The following THAP4 variants were observed in gnomAD, a reference collection of about 807,000 sequenced individuals.
THAP4 encodes THAP domain containing 4.
Under a neutral mutation model 48.1 loss-of-function variants are expected in THAP4, and 18 were observed. The observed-to-expected ratio is 0.37, with a 90% CI of 0.26 to 0.56. The LOEUF (loss-of-function observed/expected upper bound fraction) is 0.56, where lower values mean the gene tolerates loss of function less well. Ranked by LOEUF, THAP4 falls within the 20% of genes least tolerant of loss-of-function variation. The pLI is 0.78. For synonymous variants in THAP4, 345 were observed against 324.9 expected, an observed-to-expected ratio of 1.06 and a Z score of -0.66; for missense variants, 656 against 774.9, an observed-to-expected ratio of 0.85 and a Z score of 1.82.
intron 3 of THAP4, among the ~76,000 whole-genome samples, chr2:241,604,712 G>A (rs990595984): frequency 6.6e-6 from 1 of 151,956 alleles, no homozygotes; most frequent in Admixed American, 6.6e-5. Context: ...ACCTGGCCAA[G>A]ATAAACTTAT....
chr2:241,604,401 G>A (rs372227453), intron 3 of THAP4, among the ~76,000 whole-genome samples: 1 of 151,992 alleles, frequency 6.6e-6, no homozygotes, highest in Non-Finnish European at 1.5e-5. Context: ...ACAGGCATGC[G>A]CCACCATGCC....
chr2:241,600,567 AAC>A (rs1433169032), intron 5 of THAP4, among the ~76,000 whole-genome samples: 1 of 151,776 alleles, frequency 6.6e-6, no homozygotes, highest in East Asian at 1.9e-4. Flanking sequence ...CTCTACTAAA[AAC>A]ACAAAAAAAT....
At chr2:241,620,304 G>A (rs111162963) in intron 2 of THAP4, among the ~76,000 whole-genome samples, 6,181 of 56,214 alleles carry the variant, frequency 0.11, 983 homozygotes, top group Middle Eastern at 0.21. Context: ...TGAGTGAGTC[G>A]TGAGTGAGGG....
chr2:241,611,497 TG>T lies in THAP4; in HGVS notation c.1241-5025del, dbSNP rs555810050. Among the ~76,000 whole-genome samples, 992 of 152,014 alleles carry T rather than the reference TG, an allele frequency of 6.5e-3. 22 individuals are homozygous for T. The highest frequency in any genetic ancestry group is 0.023 in the African/African-American group (947 of 41,452). Reference sequence around the variant, plus strand: ...CAGCACTTTGGGAGGCCAAGGCGGGTGGATCATCTGAGGTCAGGAGTTCGAG... The same window carrying T: ...CAGCACTTTGGGAGGCCAAGGCGGGTGATCATCTGAGGTCAGGAGTTCGAG... On this transcript the variant is annotated intron_variant, in intron 2 of 5. Coordinates refer to ENST00000407315, the MANE Select transcript of THAP4 (RefSeq NM_015963.6).
At chr2:241,590,682 G>A (rs75905175) in intron 5 of THAP4, among the ~76,000 whole-genome samples, 1,381 of 35,112 alleles carry the variant, frequency 0.039, no homozygotes, top group African/African-American at 0.068. Flanking sequence ...AGAGCTGCTC[G>A]GCTGATGATG....
intron 2 of THAP4, among the ~76,000 whole-genome samples, chr2:241,621,574 G>A (rs1356299750): frequency 9.2e-5 from 14 of 151,946 alleles, no homozygotes; most frequent in Non-Finnish European, 1.5e-4. Context: ...TTGAAGATAT[G>A]TCAATAGAAA....
At position 241,633,850 on chromosome 2, in the gene THAP4, T is replaced by C. The variant is rs751126855; in HGVS notation, c.307A>G (p.Lys103Glu). The change falls in exon 2 of 6, where the codon AAA (lysine) becomes GAA (glutamate). Residue 103 changes from lysine (K) to glutamate (E), a missense_variant. Lys to Glu is a moderately conservative substitution (Grantham distance 56, BLOSUM62 1). This residue lies in a region of THAP4 where 391 missense variants were observed against 412.4 expected (regional missense o/e 0.95). Transcript: ENST00000407315. The surrounding 1 kb of genome is among the most constrained non-coding windows in gnomAD (Gnocchi z 7.5). ...CCCCCTGTGGCCTTGCTGGCATCTT[T>C]TCTCCGGGTGCGGCCATGGCCTCCA... ...GAGGHGRTRR[K>E]DASKATGGVR... 1 of 1,613,712 alleles carries C rather than the reference T, an allele frequency of 6.2e-7. No individual in the cohort carries two copies. Among genetic ancestry groups the C allele is most frequent in the South Asian group, 1.1e-5 (1 of 91,074 alleles).
At position 241,633,574 on chromosome 2, in the gene THAP4, T is replaced by G; in HGVS notation, c.583A>C (p.Thr195Pro). 6.2e-7 allele frequency: 1 copy of G among 1,613,790 alleles called. No homozygotes were observed. Among genetic ancestry groups the G allele is most frequent in the Non-Finnish European group, 8.5e-7 (1 of 1,179,920 alleles). ...GTGGCGCTCTCATCGCCAGCATCTG[T>G]GGCAGACGCTTCTGCTTTTCCCTGA... ...GSQGKAEASA[T>P]DAGDESATSS... Residue 195 changes from threonine to proline, a missense_variant, in exon 2 of 6, where the codon ACA becomes CCA. This residue lies in a region of THAP4 where 391 missense variants were observed against 412.4 expected (regional missense o/e 0.95). Transcript: ENST00000407315. This position sits in a 1 kb window ranked among gnomAD's most constrained non-coding sequence, Gnocchi z 7.5.
At chr2:241,617,273 G>A in intron 2 of THAP4, 1 of 666,462 alleles carries the variant, frequency 1.5e-6, no homozygotes, top group Admixed American at 2.5e-5. Context: ...AAACCAGACA[G>A]GCTTTTCTAG....
upstream of THAP4, chr2:241,637,458 A>G: frequency 2.7e-6 from 4 of 1,468,172 alleles, 1 homozygote; most frequent in Non-Finnish European, 3.6e-6. Context: ...CCCATGGCAC[A>G]CAGTGTCCCG....
intron 1 of THAP4, among the ~76,000 whole-genome samples, chr2:241,634,968 C>T (rs769024236): frequency 1.3e-5 from 2 of 152,222 alleles, no homozygotes; most frequent in South Asian, 2.1e-4. Flanking sequence ...CAGGAGAATG[C>T]GGGTTCCCAG....
At chr2:241,586,849 A>G (rs2066901847) in intron 5 of THAP4, among the ~76,000 whole-genome samples, 1 of 152,232 alleles carries the variant, frequency 6.6e-6, no homozygotes. Flanking sequence ...TAAGGGACAC[A>G]TTGAAAATTG....
Position 241,610,082 on chromosome 2 carries a change from G to A in THAP4, c.1241-3609C>T, listed in dbSNP as rs918347011. 2.6e-5 allele frequency among the ~76,000 whole-genome samples: 4 copies of A among 152,146 alleles called. No individual in the cohort carries two copies. Among genetic ancestry groups the A allele is most frequent in the African/African-American group, 9.7e-5 (4 of 41,438 alleles). On this transcript the variant is annotated intron_variant, in intron 2 of 5. Coordinates refer to ENST00000407315, the MANE Select transcript of THAP4 (RefSeq NM_015963.6). The surrounding 1 kb of genome is among the most constrained non-coding windows in gnomAD (Gnocchi z 4.2). ...CGGCCACCACCGGCCCCTGGGTCCC[G>A]AGGGCCCCGAGGAAGAGGCCAAGGG...
intron 1 of THAP4, among the ~76,000 whole-genome samples, chr2:241,634,298 T>C (rs898188459): frequency 6.6e-6 from 1 of 152,182 alleles, no homozygotes; most frequent in African/African-American, 2.4e-5. Context: ...ATACAGAGCT[T>C]ATAGTCTGTA....
chr2:241,621,941 CA>C (rs542392484), intron 2 of THAP4, among the ~76,000 whole-genome samples: 30 of 140,014 alleles, frequency 2.1e-4, no homozygotes, highest in African/African-American at 2.3e-4. Context: ...ACCACGCAAG[CA>C]AAAAAAAAAA....
At position 241,616,311 on chromosome 2, in the gene THAP4, C is replaced by T. The variant is rs557569640; in HGVS notation, c.1241-9838G>A. ...CTGGCATTGCTGGCAGCTTGGAAGG[C>T]GACCCGTGACATCAGTGAGAAGGGC... On this transcript the variant is annotated intron_variant, in intron 2 of 5. Transcript: ENST00000407315. The surrounding 1 kb of genome is among the most constrained non-coding windows in gnomAD (Gnocchi z 4.6). 3.3e-5 allele frequency among the ~76,000 whole-genome samples: 5 copies of T among 152,268 alleles called. No individual in the cohort carries two copies. Among genetic ancestry groups the T allele is most frequent in the South Asian group, 4.1e-4 (2 of 4,824 alleles).
chr2:241,630,041 T>C (rs919643274), intron 2 of THAP4, among the ~76,000 whole-genome samples: 2 of 152,020 alleles, frequency 1.3e-5, no homozygotes, highest in Non-Finnish European at 2.9e-5. Context: ...TCTCAAAGGA[T>C]TCCAAAAAGC....
intron 5 of THAP4, 32 bp from the exon 6 acceptor site, chr2:241,584,757 G>A: frequency 6.2e-7 from 1 of 1,613,980 alleles, no homozygotes; most frequent in Non-Finnish European, 8.5e-7. Context: ...AGATAGCTTA[G>A]TTTTATCTTC....
intron 2 of THAP4, among the ~76,000 whole-genome samples, chr2:241,618,528 T>G (rs989703997): frequency 2.6e-5 from 4 of 151,464 alleles, no homozygotes; most frequent in African/African-American, 9.7e-5. Flanking sequence ...AGCTTAGGAG[T>G]CATATACCAC....
Sources: allele counts gnomAD v4.1 joint callset (sites outside exome capture counted in the v4.1 genomes callset), GRCh38; gene constraint gnomAD v4.1.1; regional missense constraint gnomAD v4.1.1; non-coding constraint Gnocchi (gnomAD v3.1); transcripts MANE v1.5; gene names NCBI Gene and HGNC (gene_info 2026-07-23, HGNC 2026-07-21).